LCAT: variants seen among roughly 807,000 people sequenced by gnomAD.
LCAT encodes phosphatidylcholine-sterol acyltransferase.
LCAT carries 15 observed loss-of-function variants against 41.0 expected under a neutral mutation model. That is an observed-to-expected ratio of 0.37 (90% confidence interval 0.24 to 0.56). The LOEUF (loss-of-function observed/expected upper bound fraction) is 0.56. Among genes scored for constraint, LCAT ranks in the 20% least tolerant of loss-of-function variants. LCAT has a pLI of 0.81. For missense variants in LCAT, 449 were observed against 595.1 expected (o/e 0.75, Z 2.55); for synonymous variants, 248 against 245.4 (o/e 1.01, Z -0.10).
intron 5 of LCAT, chr16:67,940,882 C>G (rs1163628102): frequency 4.6e-6 from 1 of 216,436 alleles, no homozygotes; most frequent in East Asian, 1.1e-4. Flanking sequence ...GAGTGCACCT[C>G]TAGTCCTAGC....
rs1337127628 is a variant in LCAT, at chr16:67,939,926, G to T, written c.1301C>A (p.Pro434Gln). The T allele has an allele frequency of 6.2e-7, 1 of 1,613,158 alleles. No individual in the cohort carries two copies. ...TCTTTATTCAGGAGGCGGGGGCTCT[G>T]GGCTGGCAGTCGGGGATGCAGGGGG... ...QGPPASPTAS[P>Q]EPPPPE The change falls in exon 6 of 6, where the codon CCA (proline) becomes CAA (glutamine). Residue 434 changes from proline (P) to glutamine (Q), a missense_variant. By Grantham distance (76) the Pro-to-Gln change is moderately conservative (BLOSUM62 -1). Transcript: ENST00000264005.
intron 5 of LCAT, chr16:67,940,815 GCAGTGAGAC>G: frequency 4.1e-6 from 1 of 244,136 alleles, no homozygotes; most frequent in East Asian, 8.4e-5. Flanking sequence ...ACTAGGCAAT[GCAGTGAGAC>G]CCTGTCTCTA....
At position 67,942,365 on chromosome 16, in the gene LCAT, G is replaced by C; in HGVS notation, c.746C>G (p.Ser249Ter). ...GSIKPMLVLASGDNQGIPIMS... is the reference protein window; with the variant it reads ...GSIKPMLVLA ...CTAAGTGTTCGAGGCCTTCTCACCT[G>C]AGGCCAAGACCAGCATGGGCTTGAT... Residue 249 changes from serine to a stop codon, truncating the protein, a stop_gained and splice_region_variant, in exon 5 of 6, where the codon TCA becomes TGA. Transcript: ENST00000264005. LOFTEE classifies it high-confidence loss of function. This position sits in a 1 kb window ranked among gnomAD's most constrained non-coding sequence, Gnocchi z 6.6. 1.2e-6 allele frequency: 2 copies of C among 1,613,744 alleles called. No homozygotes were observed. The highest frequency in any genetic ancestry group is 1.7e-6 in the Non-Finnish European group (2 of 1,179,912).
chr16:67,941,556 G>T, intron 5 of LCAT: 1 of 838,796 alleles, frequency 1.2e-6, no homozygotes, highest in Non-Finnish European at 1.4e-6. Context: ...GGGAGATTGA[G>T]ACTGCGGCTA....
At position 67,943,764 on chromosome 16, in the gene LCAT, G is replaced by A; in HGVS notation, c.154+184C>T. On this transcript the variant is annotated intron_variant, in intron 1 of 5. Coordinates refer to ENST00000264005, the MANE Select transcript of LCAT (RefSeq NM_000229.2). The surrounding 1 kb of genome is among the most constrained non-coding windows in gnomAD (Gnocchi z 4.6). ...GGGTTAGACAACTGAGAGTCACAGT[G>A]TGGTGGGAGAAGGGACGTCATTCCT... The A allele has an allele frequency of 1.6e-6, 1 of 619,980 alleles. No individual in the cohort carries two copies. The highest frequency in any genetic ancestry group is 2.8e-6 in the Non-Finnish European group (1 of 360,922). The allele number at this position is 619,980 out of a possible 1,614,324, so 38.4% of individuals were successfully genotyped here. A position where few individuals can be genotyped will look rare whatever the true frequency, so the allele number is the denominator to read the frequency against.
At position 67,942,748 on chromosome 16, in the gene LCAT, A is replaced by G; in HGVS notation, c.446T>C (p.Val149Ala). 6.2e-7 allele frequency: 1 copy of G among 1,612,888 alleles called. No individual in the cohort carries two copies. The highest frequency in any genetic ancestry group is 2.2e-5 in the East Asian group (1 of 44,880). ...GTAGCCATTGTTGACCAGGTTCTGC[A>G]CCAGTGTGTGCAGGTACCCTGTGGG... ...SKLAGYLHTL[V>A]QNLVNNGYVR... The change falls in exon 4 of 6, where the codon GTG (valine) becomes GCG (alanine). Residue 149 changes from valine (V) to alanine (A), a missense_variant. Transcript: ENST00000264005. This position sits in a 1 kb window ranked among gnomAD's most constrained non-coding sequence, Gnocchi z 6.6.
In LCAT at chr16:67,942,208, C is replaced by T. The variant is rs2058295105; in HGVS notation, c.748+155G>A. 7.8e-7 allele frequency: 1 copy of T among 1,288,744 alleles called. No homozygotes were observed. Among genetic ancestry groups the T allele is most frequent in the Non-Finnish European group, 1.1e-6 (1 of 921,796 alleles). The allele number at this position is 1,288,744 out of a possible 1,614,324, so 79.8% of individuals were successfully genotyped here. ...CCACCCTAATTGCTCAGGCCAGGGT[C>T]ACTGCTCTGGGGGCCAGTGACAGCA... On this transcript the variant is annotated intron_variant, in intron 5 of 5. Coordinates refer to ENST00000264005, the MANE Select transcript of LCAT (RefSeq NM_000229.2). This position sits in a 1 kb window ranked among gnomAD's most constrained non-coding sequence, Gnocchi z 6.6.
chr16:67,944,000 C>G lies in LCAT; in HGVS notation c.102G>C (p.Pro34=). ...PFWLLNVLFP[P]HTTPKAELSN... is the part of the protein sequence containing the mutation. ...TGAGCTCAGCCTTGGGCGTGGTGTG[C>G]GGGGGGAAGAGCACATTGAGGAGCC... The change falls in exon 1 of 6, where the codon CCG becomes CCC. Residue 34 remains proline (P), a synonymous_variant. Transcript: ENST00000264005. The surrounding 1 kb of genome is among the most constrained non-coding windows in gnomAD (Gnocchi z 4.6). 1 of 1,547,952 alleles carries G rather than the reference C, an allele frequency of 6.5e-7. No individual in the cohort carries two copies. Among genetic ancestry groups the G allele is most frequent in the African/African-American group, 1.4e-5 (1 of 73,006 alleles).
rs750602465 is a variant in LCAT at position 67,942,599 on chromosome 16, G to A, written c.524-12C>T. On this transcript the variant is annotated splice_polypyrimidine_tract_variant and intron_variant, in intron 4 of 5. Transcript: ENST00000264005. The surrounding 1 kb of genome is among the most constrained non-coding windows in gnomAD (Gnocchi z 6.6). ...CTCCTCCTGCTGGCCTGCAGCGGGT[G>A]GAAGGGGTCAGGGCAGCTGGGGTCT... is the stretch of plus-strand genomic sequence containing the variant. 3 of 1,613,188 alleles carry A rather than the reference G, an allele frequency of 1.9e-6. No individual in the cohort carries two copies. In the East Asian group the frequency reaches 6.7e-5, roughly 36 times the overall value.
At chr16:67,940,594 A>G in intron 5 of LCAT, 116 bp from the exon 6 acceptor site, 9 of 1,504,014 alleles carry the variant, frequency 6.0e-6, no homozygotes, top group Non-Finnish European at 8.0e-6. Flanking sequence ...ATCTAGACAC[A>G]GACTCTAAGC....
rs542206315 is a variant in LCAT at position 67,942,580 on chromosome 16, C to T, written c.531G>A (p.Gln177=). 2.5e-6 allele frequency: 4 copies of T among 1,613,362 alleles called. No homozygotes were observed. In the African/African-American group the frequency reaches 4.0e-5, roughly 16 times the overall value. ...PYDWRLEPGQ[Q]EEYYRKLAGL... is the part of the protein sequence containing the mutation. ...CTGCGAGCTTGCGGTAGTACTCCTC[C>T]TGCTGGCCTGCAGCGGGTGGAAGGG... The change falls in exon 5 of 6, where the codon CAG becomes CAA. Residue 177 remains glutamine, a synonymous_variant. Coordinates refer to ENST00000264005, the MANE Select transcript of LCAT (RefSeq NM_000229.2). This position sits in a 1 kb window ranked among gnomAD's most constrained non-coding sequence, Gnocchi z 6.6.
At position 67,943,978 on chromosome 16, in the gene LCAT, G is replaced by T; in HGVS notation, c.124C>A (p.Leu42Ile). The T allele has an allele frequency of 6.5e-7, 1 of 1,548,458 alleles. No individual in the cohort carries two copies. Among genetic ancestry groups the T allele is most frequent in the Non-Finnish European group, 8.7e-7 (1 of 1,145,652 alleles). Reference protein sequence around the residue: ...FPPHTTPKAELSNHTRPVILV... With the variant: ...FPPHTTPKAEISNHTRPVILV... ...ATGACGGGCCGTGTGTGGTTACTGA[G>T]CTCAGCCTTGGGCGTGGTGTGCGGG... Residue 42 changes from leucine to isoleucine, a missense_variant, in exon 1 of 6, where the codon CTC becomes ATC. Transcript: ENST00000264005. The surrounding 1 kb of genome is among the most constrained non-coding windows in gnomAD (Gnocchi z 4.6).
chr16:67,944,066 C>G lies in LCAT; in HGVS notation c.36G>C (p.Thr12=). 1 of 1,548,136 alleles carries G rather than the reference C, an allele frequency of 6.5e-7. No individual in the cohort carries two copies. Among genetic ancestry groups the G allele is most frequent in the Non-Finnish European group, 8.7e-7 (1 of 1,146,364 alleles). ...GAGGGAGCAGCAGCCCCAGCAGCAG[C>G]GTCACCCACTGCCATGGGGAGCCGG... ...GPPGSPWQWV[T]LLLGLLLPPA... The change falls in exon 1 of 6, where the codon ACG becomes ACC. Residue 12 remains threonine, a synonymous_variant. Transcript: ENST00000264005. This position sits in a 1 kb window ranked among gnomAD's most constrained non-coding sequence, Gnocchi z 6.6.
In LCAT at chr16:67,943,988, G is replaced by C; in HGVS notation, c.114C>G (p.Pro38=). 1 of 1,548,680 alleles carries C rather than the reference G, an allele frequency of 6.5e-7. No homozygotes were observed. Among genetic ancestry groups the C allele is most frequent in the Non-Finnish European group, 8.7e-7 (1 of 1,145,850 alleles). ...GTGTGTGGTTACTGAGCTCAGCCTTGGGCGTGGTGTGCGGGGGGAAGAGCA... is the reference window on the plus strand; with the variant it reads ...GTGTGTGGTTACTGAGCTCAGCCTTCGGCGTGGTGTGCGGGGGGAAGAGCA... ...LNVLFPPHTT[P]KAELSNHTRP... The change falls in exon 1 of 6, where the codon CCC becomes CCG. Residue 38 remains proline, a synonymous_variant. Transcript: ENST00000264005. The surrounding 1 kb of genome is among the most constrained non-coding windows in gnomAD (Gnocchi z 4.6).
At chr16:67,940,941 G>A (rs554910269) in intron 5 of LCAT, 159 of 190,278 alleles carry the variant, frequency 8.4e-4, no homozygotes, top group Non-Finnish European at 1.2e-3. Context: ...GGAATTTGAG[G>A]TTACAGTAAA....
chr16:67,942,027 C>A lies in LCAT; in HGVS notation c.748+336G>T, dbSNP rs903983937. The A allele has an allele frequency of 8.1e-7, 1 of 1,237,254 alleles. No individual in the cohort carries two copies. Among genetic ancestry groups the A allele is most frequent in the Non-Finnish European group, 1.0e-6 (1 of 974,608 alleles). 76.6% of individuals were successfully genotyped at this position (1,237,254 alleles called of 1,614,324 possible). A position where few individuals can be genotyped will look rare whatever the true frequency, so the allele number is the denominator to read the frequency against. ...GATCCATCCTCAGTGAAGCACATCC[C>A]TGGGCAAAGGCACTCCTGCGAGCAA... On this transcript the variant is annotated intron_variant, in intron 5 of 5. Coordinates refer to ENST00000264005, the MANE Select transcript of LCAT (RefSeq NM_000229.2). The surrounding 1 kb of genome is among the most constrained non-coding windows in gnomAD (Gnocchi z 6.6).
Position 67,944,024 on chromosome 16 carries a change from C to A in LCAT, c.78G>T (p.Trp26Cys), listed in dbSNP as rs2151322118. 1 of 1,547,800 alleles carries A rather than the reference C, an allele frequency of 6.5e-7. No individual in the cohort carries two copies. The highest frequency in any genetic ancestry group is 8.7e-7 in the Non-Finnish European group (1 of 1,145,688). The change falls in exon 1 of 6, where the codon TGG becomes TGT. Residue 26 changes from tryptophan to cysteine, a missense_variant. Transcript: ENST00000264005. This position sits in a 1 kb window ranked among gnomAD's most constrained non-coding sequence, Gnocchi z 6.6. ...GLLLPPAAPF[W>C]LLNVLFPPHT... ...GCGGGGGGAAGAGCACATTGAGGAG[C>A]CAGAAGGGGGCGGCAGGAGGGAGCA...
chr16:67,941,146 A>G (rs964608568), intron 5 of LCAT, among the ~76,000 whole-genome samples: 2 of 152,050 alleles, frequency 1.3e-5, no homozygotes, highest in Non-Finnish European at 2.9e-5. Context: ...TCTACTAAAA[A>G]TATAAAAATT....
intron 5 of LCAT, chr16:67,941,598 C>G (rs2058290888): frequency 1.0e-6 from 1 of 982,360 alleles, no homozygotes; most frequent in Non-Finnish European, 1.2e-6. Flanking sequence ...GCCTGGGCGA[C>G]AGAATGACCC....
Sources: allele counts gnomAD v4.1 joint callset (sites outside exome capture counted in the v4.1 genomes callset), GRCh38; gene constraint gnomAD v4.1.1; non-coding constraint Gnocchi (gnomAD v3.1); transcripts MANE v1.5; gene names NCBI Gene and HGNC (gene_info 2026-07-23, HGNC 2026-07-21).